Variants in NR1H3 observed in about 807,000 individuals in gnomAD.
NR1H3 encodes the protein nuclear receptor subfamily 1 group H member 3, also known as oxysterols receptor LXR-alpha.
Under a neutral mutation model 48.1 loss-of-function variants are expected in NR1H3, and 19 were observed. That is an observed-to-expected ratio of 0.40 (90% CI 0.28 to 0.58). The LOEUF is 0.58. Among genes scored for constraint, NR1H3 ranks in the 20% least tolerant of loss-of-function variants. NR1H3 has a pLI of 0.50. For synonymous variants in NR1H3, 232 were observed against 227.3 expected, an observed-to-expected ratio of 1.02 and a Z score of -0.19; for missense variants, 486 against 595.9, an observed-to-expected ratio of 0.82 and a Z score of 1.92.
Position 47,260,603 on chromosome 11 carries a change from G to A in NR1H3, c.427G>A (p.Asp143Asn), listed in dbSNP as rs1170925818. 2 of 1,613,686 alleles carry A rather than the reference G, an allele frequency of 1.2e-6. No homozygotes were observed. Among genetic ancestry groups the A allele is most frequent in the Non-Finnish European group, 1.7e-6 (2 of 1,180,012 alleles). ...CCACAGTGGCGGCCACTGCCCCATG[G>A]ACACCTACATGCGTCGCAAGTGCCA... ...ICHSGGHCPM[D>N]TYMRRKCQEC... is the part of the protein sequence containing the mutation. Residue 143 changes from aspartate to asparagine, a missense_variant, in exon 4 of 10, where the codon GAC (aspartate) becomes AAC (asparagine). Transcript: ENST00000441012.
At chr11:47,260,163 T>C (rs140227671) in intron 3 of NR1H3, among the ~76,000 whole-genome samples, 184 bp downstream of exon 3, 1 of 152,352 alleles carries the variant, frequency 6.6e-6, no homozygotes, top group Non-Finnish European at 1.5e-5. Flanking sequence ...AGCCTCACTT[T>C]CCTTGTTTAT....
exon 1 of NR1H3, chr11:47,248,974 T>A: frequency 1.3e-6 from 2 of 1,516,924 alleles, no homozygotes; most frequent in South Asian, 2.4e-5. Flanking sequence ...GGTCGTGGTC[T>A]GGCTGTGGCG....
chr11:47,248,883 AG>A, upstream of NR1H3: 1 of 1,548,812 alleles, frequency 6.5e-7, no homozygotes, highest in Middle Eastern at 1.9e-4. Flanking sequence ...ACACGCCGGA[AG>A]TGCGTTCGCC....
intron 7 of NR1H3, among the ~76,000 whole-genome samples, chr11:47,262,375 C>A (rs1467745529): frequency 4.7e-5 from 7 of 149,926 alleles, no homozygotes; most frequent in Non-Finnish European, 7.4e-5. Flanking sequence ...ACAACAACAA[C>A]AAAAATTGAG....
upstream of NR1H3, among the ~76,000 whole-genome samples, chr11:47,255,595 TTCTC>T (rs1183559034): frequency 7.8e-4 from 48 of 61,396 alleles, no homozygotes; most frequent in Admixed American, 3.5e-3. Flanking sequence ...CTTTCTTTCT[TTCTC>T]TCTCTCTCTC....
intron 1 of NR1H3, among the ~76,000 whole-genome samples, chr11:47,252,864 C>T (rs1180021608): frequency 3.9e-5 from 6 of 151,974 alleles, no homozygotes; most frequent in Non-Finnish European, 5.9e-5. Flanking sequence ...CTACTGCGCC[C>T]GGCCCCAGCC....
chr11:47,268,034 G>A lies in NR1H3; in HGVS notation c.1102+8G>A, dbSNP rs1328776771. On this transcript the variant is annotated splice_region_variant and intron_variant, in intron 8 of 9. Transcript: ENST00000441012. ...TCAGCATCTTCTCTGCAGGTGTGGA[G>A]GAGGGGCAATGGGAAACAGCAAGAG... The A allele has an allele frequency of 3.7e-6, 6 of 1,604,414 alleles. No individual in the cohort carries two copies. The African/African-American group carries it at 6.7e-5, about 18-fold the overall frequency.
At chr11:47,256,101 T>C (rs4752822), upstream of NR1H3, among the ~76,000 whole-genome samples, 57,292 of 151,696 alleles carry the variant, frequency 0.38, 11,759 homozygotes, top group East Asian at 0.75. Flanking sequence ...GGCTGGAGTG[T>C]GGTGGCACAA....
At chr11:47,267,182 C>G (rs554936644) in intron 7 of NR1H3, among the ~76,000 whole-genome samples, 3 of 152,110 alleles carry the variant, frequency 2.0e-5, no homozygotes, top group Non-Finnish European at 4.4e-5. Context: ...TGGTATGCAC[C>G]TGTAGTCCCA....
chr11:47,264,187 G>A (rs565366117), intron 7 of NR1H3, among the ~76,000 whole-genome samples: 1 of 152,168 alleles, frequency 6.6e-6, no homozygotes, highest in African/African-American at 2.4e-5. Flanking sequence ...CTGGAATTGA[G>A]CTTCAGCAGG....
upstream of NR1H3, among the ~76,000 whole-genome samples, chr11:47,256,651 AG>A (rs1441023106): frequency 7.5e-6 from 1 of 133,882 alleles, no homozygotes; most frequent in Non-Finnish European, 1.5e-5. Context: ...ACCCCAAAAA[AG>A]GTAAAAAAAA....
At chr11:47,248,870 G>A, upstream of NR1H3, 1 of 1,550,398 alleles carries the variant, frequency 6.4e-7, no homozygotes, top group African/African-American at 1.4e-5. Flanking sequence ...CACCCGTAAG[G>A]ACACACGCCG....
chr11:47,260,381 G>A (rs1295155060), intron 3 of NR1H3, 28 bp from the exon 4 acceptor site: 1 of 1,586,090 alleles, frequency 6.3e-7, no homozygotes, highest in South Asian at 1.2e-5. Context: ...CCTCGGGGGA[G>A]AGCGTTGAAG....
chr11:47,258,257 G>A, intron 1 of NR1H3, 128 bp downstream of exon 1: 1 of 948,510 alleles, frequency 1.1e-6, no homozygotes, highest in Non-Finnish European at 1.3e-6. Context: ...TGGAAGCTTG[G>A]GACAGGAGCA....
intron 2 of NR1H3, 32 bp downstream of exon 2, chr11:47,259,291 C>T (rs1236706134): frequency 6.2e-7 from 1 of 1,614,110 alleles, no homozygotes; most frequent in South Asian, 1.1e-5. Context: ...TCCCCTGAGC[C>T]CAGACCGCAG....
intron 8 of NR1H3, 47 bp downstream of exon 8, chr11:47,268,073 A>T: frequency 1.0e-5 from 12 of 1,186,658 alleles, no homozygotes; most frequent in South Asian, 1.2e-5. Context: ...TACACCAAGG[A>T]GGGCTGCAGG....
At chr11:47,255,534 T>C (rs1474176694), upstream of NR1H3, among the ~76,000 whole-genome samples, 2 of 127,246 alleles carry the variant, frequency 1.6e-5, no homozygotes, top group African/African-American at 3.1e-5. Context: ...TCTCTTTCTT[T>C]CTTTCTTTTT....
chr11:47,261,777 G>A, intron 6 of NR1H3, 51 bp downstream of exon 6: 2 of 1,612,770 alleles, frequency 1.2e-6, no homozygotes, highest in Non-Finnish European at 1.7e-6. Context: ...GGGATTATCT[G>A]TGGGAGGGGC....
chr11:47,258,083 G>T lies in NR1H3; in HGVS notation c.-84G>T, dbSNP rs1955381787. ...CACCATCCTCTTCTCCCAGCAAGGGGGCTCCAGAGACTGCCCACCCAGGAA... is the reference window on the plus strand; with the variant it reads ...CACCATCCTCTTCTCCCAGCAAGGGTGCTCCAGAGACTGCCCACCCAGGAA... On this transcript the variant is annotated 5_prime_UTR_variant, in exon 1 of 10. Coordinates refer to ENST00000441012, the MANE Select transcript of NR1H3 (RefSeq NM_005693.4). 2.0e-6 allele frequency: 2 copies of T among 985,578 alleles called. No homozygotes were observed. Among genetic ancestry groups the T allele is most frequent in the Non-Finnish European group, 2.4e-6 (2 of 830,130 alleles). 61.1% of individuals were successfully genotyped at this position (985,578 alleles called of 1,614,324 possible).
Sources: allele counts gnomAD v4.1 joint callset (sites outside exome capture counted in the v4.1 genomes callset), GRCh38; gene constraint gnomAD v4.1.1; transcripts MANE v1.5; gene names NCBI Gene and HGNC (gene_info 2026-07-23, HGNC 2026-07-21).